Variants in MTR observed in about 807,000 individuals in gnomAD.
The protein encoded by MTR is methionine synthase.
In MTR, 84 loss-of-function variants were observed where a neutral mutation model predicts 154.8. The observed-to-expected ratio is 0.54, with a 90% CI of 0.45 to 0.65. The LOEUF (loss-of-function observed/expected upper bound fraction) is 0.65. Ranked by LOEUF, MTR falls within the 30% of genes least tolerant of loss-of-function variation. MTR has a pLI of 0.00. For missense variants in MTR, 1,275 were observed against 1,570.2 expected (o/e 0.81, Z 3.18); for synonymous variants, 554 against 553.9 (o/e 1.00, Z 0.00).
intron 16 of MTR, 76 bp from the exon 17 acceptor site, chr1:236,852,445 A>ACT: frequency 1.9e-6 from 2 of 1,057,360 alleles, no homozygotes; most frequent in Admixed American, 3.4e-5. Context: ...TTCCACTCCT[A>ACT]TATAAAGCTT....
At chr1:236,824,272 GGCATA>G (rs1302308252) in intron 9 of MTR, 53 bp downstream of exon 9, 3 of 1,366,556 alleles carry the variant, frequency 2.2e-6, no homozygotes, top group Non-Finnish European at 3.1e-6. Context: ...CATAAGACAT[GGCATA>G]GATGAGGTAA....
chr1:236,819,569 C>T (rs1205761329), intron 8 of MTR: 2 of 392,406 alleles, frequency 5.1e-6, no homozygotes, highest in African/African-American at 4.2e-5. Context: ...CCTTTCCATG[C>T]TACTCACAGA....
rs144438637 is a variant in MTR, at chr1:236,896,553, T to C, written c.3599-453T>C. On this transcript the variant is annotated intron_variant, in intron 31 of 32. Transcript: ENST00000366577. ...TGAGCTCTCAGATCCCAAGGAAAAC[T>C]GTCTCTTCTTTCTCACAATGTTGTG... Among the ~76,000 whole-genome samples the C allele has an allele frequency of 2.5e-3, 383 of 152,342 alleles. 4 individuals carry two copies. The highest frequency in any genetic ancestry group is 8.2e-3 in the African/African-American group (340 of 41,582).
At chr1:236,831,334 G>A (rs138611319) in intron 12 of MTR, among the ~76,000 whole-genome samples, 2 of 152,328 alleles carry the variant, frequency 1.3e-5, no homozygotes, top group African/African-American at 4.8e-5. Flanking sequence ...CAGGGGAGAT[G>A]TTATTATGTT....
chr1:236,852,956 G>A lies in MTR; in HGVS notation c.1821G>A (p.Met607Ile). The A allele has an allele frequency of 6.2e-7, 1 of 1,613,942 alleles. No individual in the cohort carries two copies. The highest frequency in any genetic ancestry group is 8.5e-7 in the Non-Finnish European group (1 of 1,179,906). The change falls in exon 18 of 33, where the codon ATG becomes ATA. Residue 607 changes from methionine to isoleucine, a missense_variant. Physicochemically the swap from Met to Ile is conservative, Grantham distance 10 (BLOSUM62 1). Coordinates refer to ENST00000366577, the MANE Select transcript of MTR (RefSeq NM_000254.3). ...VFLYHAIKSG[M>I]DMGIVNAGNL... ...ATTTGTATTGCCCTTAGTCTGGCATGGACATGGGGATAGTGAATGCTGGAA... is the reference window on the plus strand; with the variant it reads ...ATTTGTATTGCCCTTAGTCTGGCATAGACATGGGGATAGTGAATGCTGGAA...
chr1:236,853,749 C>T (rs1664048504), intron 18 of MTR, among the ~76,000 whole-genome samples: 2 of 152,084 alleles, frequency 1.3e-5, no homozygotes, highest in African/African-American at 2.4e-5. Flanking sequence ...AGGATCTGGT[C>T]CATCTGTGGC....
rs937379006 is a variant in MTR at position 236,795,322 on chromosome 1, T to A, written c.-382T>A. 1.6e-6 allele frequency: 2 copies of A among 1,272,072 alleles called. No homozygotes were observed. Among genetic ancestry groups the A allele is most frequent in the Non-Finnish European group, 2.0e-6 (2 of 983,948 alleles). The allele number at this position is 1,272,072 out of a possible 1,614,324, so 78.8% of individuals were successfully genotyped here. A position where few individuals can be genotyped will look rare whatever the true frequency, so the allele number is the denominator to read the frequency against. ...TAACCGCGCTCTGAAAGGTTCTAAATGTCTGCGGGGCTCAGAGCCGGATGT... is the reference window on the plus strand; with the variant it reads ...TAACCGCGCTCTGAAAGGTTCTAAAAGTCTGCGGGGCTCAGAGCCGGATGT... On this transcript the variant is annotated 5_prime_UTR_variant, in exon 1 of 33. An upstream start codon of the reference 5' UTR is lost. Coordinates refer to ENST00000366577, the MANE Select transcript of MTR (RefSeq NM_000254.3).
Position 236,897,810 on chromosome 1 carries a change from C to A in MTR, c.*166C>A. ...GTGGAACCTTGTAGAGGAGCAGGGT[C>A]TTCCTGCAGTGCCTGGAAAACAGGC... On this transcript the variant is annotated 3_prime_UTR_variant, in exon 33 of 33. Coordinates refer to ENST00000366577, the MANE Select transcript of MTR (RefSeq NM_000254.3). 1.5e-6 allele frequency: 1 copy of A among 656,636 alleles called. No individual in the cohort carries two copies. Among genetic ancestry groups the A allele is most frequent in the Non-Finnish European group, 2.6e-6 (1 of 379,948 alleles). The allele number at this position is 656,636 out of a possible 1,614,324, so 40.7% of individuals were successfully genotyped here.
At chr1:236,796,241 T>G (rs1475491046) in intron 1 of MTR, among the ~76,000 whole-genome samples, 2 of 152,196 alleles carry the variant, frequency 1.3e-5, no homozygotes, top group Non-Finnish European at 2.9e-5. Context: ...GCAATATGCA[T>G]AGACTCACTA....
intron 22 of MTR, among the ~76,000 whole-genome samples, chr1:236,866,547 C>T (rs1345227416): frequency 1.3e-5 from 2 of 152,172 alleles, no homozygotes; most frequent in Non-Finnish European, 2.9e-5. Flanking sequence ...AAGAGTCACA[C>T]ACCTCGACAT....
chr1:236,872,213 G>A (rs935516900), intron 22 of MTR, among the ~76,000 whole-genome samples: 2 of 152,022 alleles, frequency 1.3e-5, no homozygotes, highest in Non-Finnish European at 2.9e-5. Flanking sequence ...TGAGTTCCAG[G>A]AAGCTCTCTC....
At chr1:236,838,313 T>G in intron 14 of MTR, 101 bp from the exon 15 acceptor site, 1 of 1,231,804 alleles carries the variant, frequency 8.1e-7, no homozygotes, top group Non-Finnish European at 1.2e-6. Context: ...TTTTGTTTAT[T>G]GTTTTGCTAA....
chr1:236,882,818 C>T (rs771980488), intron 25 of MTR, among the ~76,000 whole-genome samples: 83 of 152,204 alleles, frequency 5.5e-4, no homozygotes, highest in Non-Finnish European at 1.1e-3. Flanking sequence ...GTTAGCTCCT[C>T]CCGTGTACAA....
At chr1:236,815,841 G>A (rs1475894856) in intron 7 of MTR, among the ~76,000 whole-genome samples, 178 bp downstream of exon 7, 1 of 152,062 alleles carries the variant, frequency 6.6e-6, no homozygotes, top group African/African-American at 2.4e-5. Context: ...CTTATATCTG[G>A]AGAGGCAAGG....
intron 12 of MTR, among the ~76,000 whole-genome samples, chr1:236,830,391 CAA>C (rs557993347): frequency 1.3e-3 from 202 of 152,086 alleles, no homozygotes; most frequent in Non-Finnish European, 2.3e-3. Flanking sequence ...AAAATTGAAA[CAA>C]GAGAGCCATT....
chr1:236,900,230 G>A lies in MTR; in HGVS notation c.*2586G>A. The A allele has an allele frequency of 3.1e-6, 1 of 321,658 alleles. No homozygotes were observed. The highest frequency in any genetic ancestry group is 6.3e-6 in the Non-Finnish European group (1 of 159,834). 19.9% of individuals were successfully genotyped at this position (321,658 alleles called of 1,614,324 possible). ...TATTCATTCTACGGGATATTATTCA[G>A]TAGTGGAAATGAGTGAACTACAGCT... On this transcript the variant is annotated 3_prime_UTR_variant, in exon 33 of 33. Transcript: ENST00000366577.
intron 19 of MTR, 85 bp downstream of exon 19, chr1:236,860,007 G>A: frequency 2.7e-6 from 3 of 1,127,656 alleles, no homozygotes; most frequent in Non-Finnish European, 3.9e-6. Context: ...AGTAGCTGGA[G>A]AAGGAGATGC....
intron 24 of MTR, 76 bp from the exon 25 acceptor site, chr1:236,880,678 CT>C: frequency 1.7e-6 from 2 of 1,159,004 alleles, no homozygotes; most frequent in South Asian, 2.5e-5. Context: ...TACATTATCT[CT>C]AATGGCGCTG....
At chr1:236,870,663 T>G (rs1205098230) in intron 22 of MTR, among the ~76,000 whole-genome samples, 1 of 152,198 alleles carries the variant, frequency 6.6e-6, no homozygotes, top group East Asian at 1.9e-4. Flanking sequence ...AGTCCCAAAT[T>G]GTATCTCCAC....
Sources: allele counts gnomAD v4.1 joint callset (sites outside exome capture counted in the v4.1 genomes callset), GRCh38; gene constraint gnomAD v4.1.1; transcripts MANE v1.5; gene names NCBI Gene and HGNC (gene_info 2026-07-23, HGNC 2026-07-21).